The following GSTZ1 variants were observed in gnomAD, a reference collection of about 807,000 sequenced individuals.
GSTZ1 encodes the protein maleylacetoacetate isomerase.
In GSTZ1, 34 loss-of-function variants were observed where a neutral mutation model predicts 35.9. The observed-to-expected ratio is 0.95, with a 90% CI of 0.72 to 1.26. The LOEUF is 1.26. Among genes scored for constraint, GSTZ1 ranks in the 50% most tolerant of loss-of-function variants. The pLI, the probability that GSTZ1 is intolerant of heterozygous loss-of-function variation, is 0.00. For synonymous variants in GSTZ1, 93 were observed against 101.2 expected (o/e 0.92, Z 0.49); for missense variants, 263 against 271.7 (o/e 0.97, Z 0.23).
intron 4 of GSTZ1, 146 bp from the exon 5 acceptor site, chr14:77,327,766 C>T: frequency 1.2e-6 from 1 of 810,986 alleles, no homozygotes; most frequent in Non-Finnish European, 2.0e-6. Flanking sequence ...TCCAAAAAGG[C>T]TTATAGGGCT....
chr14:77,324,686 C>G, intron 1 of GSTZ1, 184 bp from the exon 2 acceptor site: 3 of 1,307,052 alleles, frequency 2.3e-6, no homozygotes, highest in South Asian at 1.3e-5. Flanking sequence ...GGAGCTCAAA[C>G]CAGCATAATT....
At chr14:77,330,141 G>C (rs1014126317) in intron 7 of GSTZ1, 169 bp from the exon 8 acceptor site, 4 of 756,242 alleles carry the variant, frequency 5.3e-6, no homozygotes, top group Non-Finnish European at 9.7e-6. Context: ...CTTCAGCTCC[G>C]GGGGACAGAC....
chr14:77,328,248 T>A (rs1892442842), intron 5 of GSTZ1: 4 of 576,632 alleles, frequency 6.9e-6, no homozygotes, highest in Middle Eastern at 9.5e-4. Context: ...TCCGAGAAGC[T>A]CTAGTTTCCA....
intron 1 of GSTZ1, 23 bp from the exon 2 acceptor site, chr14:77,324,847 G>C (rs369454433): frequency 6.2e-7 from 1 of 1,612,594 alleles, no homozygotes; most frequent in Non-Finnish European, 8.5e-7. Flanking sequence ...GTTAACACGC[G>C]CCTTCATCCT....
In GSTZ1 at chr14:77,321,091, C is replaced by T. The variant is rs1203000401; in HGVS notation, c.-78C>T. 4 of 1,361,870 alleles carry T rather than the reference C, an allele frequency of 2.9e-6. No homozygotes were observed. The highest frequency in any genetic ancestry group is 3.9e-6 in the Non-Finnish European group (4 of 1,024,394). 84.4% of individuals were successfully genotyped at this position (1,361,870 alleles called of 1,614,324 possible). A position where few individuals can be genotyped will look rare whatever the true frequency, so the allele number is the denominator to read the frequency against. On this transcript the variant is annotated 5_prime_UTR_variant, in exon 1 of 9. Transcript: ENST00000216465. ...AAGACACGGGCCTGATTCGTCGAGTCTCACTGAGCCTTAGTCGTCGGCAGG... is the reference window on the plus strand; with the variant it reads ...AAGACACGGGCCTGATTCGTCGAGTTTCACTGAGCCTTAGTCGTCGGCAGG...
chr14:77,324,662 C>T, intron 1 of GSTZ1: 2 of 1,394,322 alleles, frequency 1.4e-6, no homozygotes, highest in Non-Finnish European at 2.0e-6. Flanking sequence ...CCTTTGGGGG[C>T]CTCTTGGACC....
At chr14:77,321,882 C>CA (rs541516245) in intron 1 of GSTZ1, among the ~76,000 whole-genome samples, 1,232 of 67,996 alleles carry the variant, frequency 0.018, 12 homozygotes, top group African/African-American at 0.049. Flanking sequence ...GACTCCGGCT[C>CA]AAAAAAAAAA....
intron 7 of GSTZ1, 82 bp from the exon 8 acceptor site, chr14:77,330,228 T>C (rs771952634): frequency 2.1e-6 from 2 of 935,062 alleles, no homozygotes; most frequent in African/African-American, 3.3e-5. Context: ...GTACCCCCAG[T>C]AGAGTCGCAG....
intron 6 of GSTZ1, chr14:77,329,415 T>C: frequency 1.7e-6 from 1 of 602,350 alleles, no homozygotes; most frequent in Non-Finnish European, 3.0e-6. Flanking sequence ...CCCACAGCCC[T>C]TCATAGCTGG....
intron 2 of GSTZ1, chr14:77,326,622 GGTGA>G (rs1892327232): frequency 1.9e-6 from 1 of 536,858 alleles, no homozygotes; most frequent in Non-Finnish European, 3.4e-6. Context: ...AGAGTTCAGG[GGTGA>G]GTGAGGCAGA....
At position 77,331,051 on chromosome 14, in the gene GSTZ1, G is replaced by A. The variant is rs766784194; in HGVS notation, c.525-18G>A. On this transcript the variant is annotated intron_variant, in intron 8 of 8. Transcript: ENST00000216465. ...TGTCCCTGAAAACCTTAGCTTAGCA[G>A]GTGTTTCTCTACTACAGATTCAAGG... is the stretch of plus-strand genomic sequence containing the variant. 19 of 1,611,202 alleles carry A rather than the reference G, an allele frequency of 1.2e-5. No individual in the cohort carries two copies. The South Asian group carries it at 2.1e-4, about 18-fold the overall frequency.
At chr14:77,325,078 C>T in intron 2 of GSTZ1, 157 bp downstream of exon 2, 1 of 664,370 alleles carries the variant, frequency 1.5e-6, no homozygotes. Context: ...ACCCCCATCC[C>T]TGCATGGCAT....
chr14:77,323,766 GGTGA>G (rs1446661114), intron 1 of GSTZ1: 3 of 152,260 alleles, frequency 2.0e-5, no homozygotes, highest in Non-Finnish European at 4.4e-5. Flanking sequence ...TCACCTTTGG[GGTGA>G]GTGAGCATAT....
At chr14:77,324,086 T>TG (rs1224055856) in intron 1 of GSTZ1, 1 of 168,834 alleles carries the variant, frequency 5.9e-6, no homozygotes, top group Non-Finnish European at 1.3e-5. Flanking sequence ...CACGCTCTGT[T>TG]GGGGGGACAC....
intron 2 of GSTZ1, chr14:77,325,159 C>T (rs1892256921): frequency 9.3e-6 from 5 of 537,676 alleles, no homozygotes; most frequent in East Asian, 6.4e-5. Flanking sequence ...TGACACTTCT[C>T]CCAACACTGC....
intron 5 of GSTZ1, chr14:77,328,893 G>C (rs1000386374): frequency 8.6e-6 from 5 of 581,524 alleles, no homozygotes; most frequent in Non-Finnish European, 1.5e-5. Context: ...ACAGAATCAC[G>C]TGGCTTTTTG....
chr14:77,327,792 CA>C (rs1338796905), intron 4 of GSTZ1, 119 bp from the exon 5 acceptor site: 26 of 987,186 alleles, frequency 2.6e-5, no homozygotes, highest in Non-Finnish European at 4.1e-5. Flanking sequence ...TGAGCAGAAG[CA>C]GGGGGGAAGA....
At chr14:77,330,243 C>T (rs775476951) in intron 7 of GSTZ1, 67 bp from the exon 8 acceptor site, 45 of 1,092,058 alleles carry the variant, frequency 4.1e-5, no homozygotes, top group Admixed American at 2.9e-4. Flanking sequence ...TCGCAGTGGA[C>T]ACACCCAGTC....
chr14:77,326,905 G>A lies in GSTZ1; in HGVS notation c.135G>A (p.Gln45=), dbSNP rs17105715. Residue 45 remains glutamine, a splice_region_variant and synonymous_variant, in exon 3 of 9, where the codon CAG becomes CAA. Coordinates refer to ENST00000216465, the MANE Select transcript of GSTZ1 (RefSeq NM_145870.3). ...ATCTCATAAAGGATGGGGGCCAACA[G>A]GTAAGAAGGCTGTGCCCAGACCACA... The part of the protein sequence containing the change: ...PINLIKDGGQ[Q]FSKDFQALNP... 5 of 1,597,514 alleles carry A rather than the reference G, an allele frequency of 3.1e-6. No homozygotes were observed. The highest frequency in any genetic ancestry group is 2.2e-5 in the East Asian group (1 of 44,664).
Sources: allele counts gnomAD v4.1 joint callset (sites outside exome capture counted in the v4.1 genomes callset), GRCh38; gene constraint gnomAD v4.1.1; transcripts MANE v1.5; gene names NCBI Gene and HGNC (gene_info 2026-07-23, HGNC 2026-07-21).